CUX1: variants seen among roughly 807,000 people sequenced by gnomAD.
The protein encoded by CUX1 is cut like homeobox 1, also known as protein CASP.
CUX1 carries 31 observed loss-of-function variants against 158.8 expected under a neutral mutation model. The ratio of observed to expected loss-of-function variants is 0.20; its 90% confidence interval spans 0.15 to 0.26. The LOEUF (loss-of-function observed/expected upper bound fraction) is 0.26. Ranked by LOEUF, CUX1 falls within the 10% of genes least tolerant of loss-of-function variation. The probability of loss-of-function intolerance (pLI) is 1.00; values close to 1 mark genes in which losing one functional copy is unlikely to be tolerated. For synonymous variants in CUX1, 879 were observed against 862.1 expected (o/e 1.02, Z -0.34); for missense variants, 1,589 against 2,014.6 (o/e 0.79, Z 4.04).
At chr7:101,885,077 A>T (rs1230767053) in intron 1 of CUX1, among the ~76,000 whole-genome samples, 2 of 152,130 alleles carry the variant, frequency 1.3e-5, no homozygotes, top group Non-Finnish European at 2.9e-5. Flanking sequence ...ATATTTGTTG[A>T]ACTGAATTAT....
chr7:101,887,307 T>C (rs1800328619), intron 1 of CUX1, among the ~76,000 whole-genome samples: 1 of 152,164 alleles, frequency 6.6e-6, no homozygotes, highest in South Asian at 2.1e-4. Flanking sequence ...GAAACTTTTT[T>C]TTTCTTTCTT....
At position 102,199,642 on chromosome 7, in the gene CUX1, C is replaced by A. The variant is rs183536292; in HGVS notation, c.1961-429C>A. On this transcript the variant is annotated intron_variant, in intron 16 of 23. Transcript: ENST00000292535. ...TGATTGATAGACAATCAGCCTCAAACCCTCTGCCCTCCTTTTCCGTTTATC... is the reference window on the plus strand; with the variant it reads ...TGATTGATAGACAATCAGCCTCAAAACCTCTGCCCTCCTTTTCCGTTTATC... 1.4e-4 allele frequency among the ~76,000 whole-genome samples: 21 copies of A among 152,360 alleles called. No individual in the cohort carries two copies. In the East Asian group the frequency reaches 4.0e-3, roughly 29 times the overall value.
intron 1 of CUX1, among the ~76,000 whole-genome samples, chr7:101,855,850 C>T (rs1415759726): frequency 1.6e-4 from 22 of 136,594 alleles, no homozygotes; most frequent in Non-Finnish European, 3.1e-4. Context: ...TGCACTCCAG[C>T]CTGGGCGGTA....
chr7:102,041,256 CTTTTTTTTTT>C (rs11427183), intron 3 of CUX1, among the ~76,000 whole-genome samples: 10 of 69,916 alleles, frequency 1.4e-4, no homozygotes, highest in East Asian at 1.1e-3. Context: ...CTTATCCATT[CTTTTTTTTTT>C]TTTTTTTTTT....
Position 102,033,318 on chromosome 7 carries a change from C to T in CUX1, c.189+5173C>T, listed in dbSNP as rs549123949. Reference sequence around the variant, plus strand: ...AATAAACAAACAAATAAATGTACAACAGAATAAGTTCAAATAGAATGAAAG... The same window carrying T: ...AATAAACAAACAAATAAATGTACAATAGAATAAGTTCAAATAGAATGAAAG... On this transcript the variant is annotated intron_variant, in intron 3 of 23. Coordinates refer to ENST00000292535, the MANE Select transcript of CUX1 (RefSeq NM_181552.4). Among the ~76,000 whole-genome samples, 2 of 151,444 alleles carry T rather than the reference C, an allele frequency of 1.3e-5. 1 individual carries two copies. Among genetic ancestry groups the T allele is most frequent in the African/African-American group, 4.9e-5 (2 of 41,236 alleles).
At chr7:102,006,448 G>A (rs1314287572) in intron 2 of CUX1, among the ~76,000 whole-genome samples, 1 of 152,142 alleles carries the variant, frequency 6.6e-6, no homozygotes, top group Non-Finnish European at 1.5e-5. Flanking sequence ...CCACGCTAGA[G>A]TGAAATGGCA....
chr7:102,107,980 TG>T (rs1426307441), intron 6 of CUX1, among the ~76,000 whole-genome samples: 1 of 152,184 alleles, frequency 6.6e-6, no homozygotes, highest in Non-Finnish European at 1.5e-5. Flanking sequence ...CTCGGACAGA[TG>T]GGCAGACCCT....
intron 2 of CUX1, among the ~76,000 whole-genome samples, chr7:101,997,484 C>T (rs917671238): frequency 6.6e-6 from 1 of 151,376 alleles, no homozygotes; most frequent in Non-Finnish European, 1.5e-5. Context: ...GCTGGGATTA[C>T]AGGTGCCCAC....
At chr7:102,215,298 G>T (rs1796943875) in intron 20 of CUX1, among the ~76,000 whole-genome samples, 1 of 146,146 alleles carries the variant, frequency 6.8e-6, no homozygotes, top group Admixed American at 7.0e-5. Context: ...CTGGAGCTGG[G>T]TTAGTGCAGG....
chr7:102,209,080 G>T (rs1554522432), intron 20 of CUX1, among the ~76,000 whole-genome samples: 1 of 152,180 alleles, frequency 6.6e-6, no homozygotes, highest in Non-Finnish European at 1.5e-5. Flanking sequence ...CAGGTGCCCT[G>T]CGCTAGAGTG....
At chr7:101,860,773 C>CTTCCTTCA (rs1797369337) in intron 1 of CUX1, among the ~76,000 whole-genome samples, 1 of 132,908 alleles carries the variant, frequency 7.5e-6, no homozygotes, top group Admixed American at 9.3e-5. Flanking sequence ...TCCTTCCTTC[C>CTTCCTTCA]TTCCTTCCTT....
chr7:102,163,732 A>G (rs1300007406), intron 9 of CUX1, among the ~76,000 whole-genome samples: 1 of 152,138 alleles, frequency 6.6e-6, no homozygotes, highest in Non-Finnish European at 1.5e-5. Flanking sequence ...GCTGGGCAGG[A>G]AGAGGAGGGC....
chr7:102,281,788 C>A (rs994733758), intron 20 of CUX1: 2 of 1,227,472 alleles, frequency 1.6e-6, no homozygotes, highest in Admixed American at 1.7e-5. Context: ...GGCAGCCCTG[C>A]AGGGGTGGGT....
intron 9 of CUX1, among the ~76,000 whole-genome samples, chr7:102,163,995 G>A (rs895567608): frequency 3.3e-5 from 5 of 152,182 alleles, no homozygotes; most frequent in African/African-American, 1.2e-4. Flanking sequence ...ACACCTGTTT[G>A]TTGAACATCA....
At chr7:102,033,621 A>C (rs771812791) in intron 3 of CUX1, among the ~76,000 whole-genome samples, 5 of 152,242 alleles carry the variant, frequency 3.3e-5, no homozygotes, top group African/African-American at 1.2e-4. Flanking sequence ...AATTGATTAA[A>C]GAAGAAACAG....
chr7:102,049,477 A>G lies in CUX1; in HGVS notation c.190-20862A>G, dbSNP rs1194858113. 2.6e-5 allele frequency among the ~76,000 whole-genome samples: 4 copies of G among 152,170 alleles called. No individual in the cohort carries two copies. In the East Asian group the frequency reaches 5.8e-4, roughly 22 times the overall value. On this transcript the variant is annotated intron_variant, in intron 3 of 23. Transcript: ENST00000292535. Reference sequence around the variant, plus strand: ...TTCTGTAAAGCCTGAAGAGTGTCTTATAATTGATTTAGAAGTAGGAGAAGA... The same window carrying G: ...TTCTGTAAAGCCTGAAGAGTGTCTTGTAATTGATTTAGAAGTAGGAGAAGA...
intron 12 of CUX1, among the ~76,000 whole-genome samples, chr7:102,191,031 C>G (rs1794211640): frequency 1.3e-5 from 2 of 152,216 alleles, no homozygotes; most frequent in Admixed American, 1.3e-4. Context: ...AACCATCTCA[C>G]TTCCATGACC....
At chr7:101,966,453 T>G (rs1434292814) in intron 2 of CUX1, among the ~76,000 whole-genome samples, 1 of 152,118 alleles carries the variant, frequency 6.6e-6, no homozygotes, top group Non-Finnish European at 1.5e-5. Context: ...TGAAAGCGCA[T>G]GATGGGCACA....
chr7:102,023,003 T>C (rs909867253), intron 2 of CUX1, among the ~76,000 whole-genome samples: 1 of 152,064 alleles, frequency 6.6e-6, no homozygotes, highest in Admixed American at 6.6e-5. Context: ...TTACTTGAGG[T>C]CAGGAGTTCG....
Sources: allele counts gnomAD v4.1 joint callset (sites outside exome capture counted in the v4.1 genomes callset), GRCh38; gene constraint gnomAD v4.1.1; transcripts MANE v1.5; gene names NCBI Gene and HGNC (gene_info 2026-07-23, HGNC 2026-07-21).